FTCDNL1: variants seen among roughly 807,000 people sequenced by gnomAD.
FTCDNL1 encodes the protein formiminotransferase N-terminal subdomain-containing protein.
FTCDNL1 carries 11 observed loss-of-function variants against 5.9 expected under a neutral mutation model. The observed-to-expected ratio is 1.87, with a 90% CI of 1.18 to 3.10. The LOEUF is 3.10. Ranked by LOEUF, FTCDNL1 falls within the 30% of genes most tolerant of loss-of-function variation. FTCDNL1 has a pLI of 0.00. For missense variants in FTCDNL1, 115 were observed against 65.5 expected, an observed-to-expected ratio of 1.76 and a Z score of -2.61; for synonymous variants, 58 against 24.8, an observed-to-expected ratio of 2.34 and a Z score of -3.99.
At chr2:199,725,266 C>G in the FTCDNL1 span, among the ~76,000 whole-genome samples, 1 of 152,234 alleles carries the variant, frequency 6.6e-6, no homozygotes, top group South Asian at 2.1e-4. Context: ...TCTTTTGAGC[C>G]TATGTGTGTC....
At chr2:199,751,478 A>G in the FTCDNL1 span, among the ~76,000 whole-genome samples, 2 of 152,176 alleles carry the variant, frequency 1.3e-5, no homozygotes, top group Non-Finnish European at 2.9e-5. Flanking sequence ...GGAGGTGATT[A>G]CAGAGCCTCA....
chr2:199,778,648 G>T (rs145027027), intron 3 of FTCDNL1, among the ~76,000 whole-genome samples: 4 of 152,302 alleles, frequency 2.6e-5, no homozygotes, highest in Admixed American at 6.5e-5. Context: ...TAATTCTGCA[G>T]ACTTGACATA....
At chr2:199,684,193 G>T in the FTCDNL1 span, among the ~76,000 whole-genome samples, 2 of 152,286 alleles carry the variant, frequency 1.3e-5, no homozygotes, top group East Asian at 3.9e-4. Flanking sequence ...TCACACTATA[G>T]CAGCAATTAC....
the FTCDNL1 span, among the ~76,000 whole-genome samples, chr2:199,701,922 C>T: frequency 6.6e-6 from 1 of 152,146 alleles, no homozygotes; most frequent in East Asian, 1.9e-4. Flanking sequence ...GTAATCCCAG[C>T]TACTCAGGAG....
the FTCDNL1 span, among the ~76,000 whole-genome samples, chr2:199,729,742 T>C: frequency 6.6e-6 from 1 of 152,110 alleles, no homozygotes; most frequent in East Asian, 1.9e-4. Flanking sequence ...TGCTCATGGA[T>C]AGGAAGAATC....
At chr2:199,733,654 T>C in the FTCDNL1 span, among the ~76,000 whole-genome samples, 3 of 152,168 alleles carry the variant, frequency 2.0e-5, no homozygotes, top group Non-Finnish European at 4.4e-5. Context: ...AGAATGCCCT[T>C]AGGACAGTAA....
chr2:199,786,836 A>G (rs1699675238), intron 3 of FTCDNL1, among the ~76,000 whole-genome samples: 1 of 152,192 alleles, frequency 6.6e-6, no homozygotes, highest in Admixed American at 6.5e-5. Context: ...CAAATTTGTT[A>G]TCTTACAGTT....
the FTCDNL1 span, among the ~76,000 whole-genome samples, chr2:199,714,550 A>G: frequency 6.6e-6 from 1 of 152,132 alleles, no homozygotes; most frequent in Non-Finnish European, 1.5e-5. Flanking sequence ...TAATTTCTTA[A>G]AGATGGTCTA....
intron 3 of FTCDNL1, among the ~76,000 whole-genome samples, chr2:199,769,929 C>CT (rs924542668): frequency 6.9e-4 from 102 of 147,638 alleles, no homozygotes; most frequent in African/African-American, 1.8e-3. Context: ...ATGATCTATT[C>CT]TTTTTTTTTT....
At chr2:199,676,017 G>T in the FTCDNL1 span, among the ~76,000 whole-genome samples, 1 of 152,186 alleles carries the variant, frequency 6.6e-6, no homozygotes, top group South Asian at 2.1e-4. Flanking sequence ...ATCCCAACGT[G>T]CTGGGACTAC....
chr2:199,765,556 A>ATATATTTTTTTTT, intron 3 of FTCDNL1, among the ~76,000 whole-genome samples: 1 of 42,656 alleles, frequency 2.3e-5, no homozygotes, highest in East Asian at 1.7e-3. Context: ...ATATATATAT[A>ATATATTTTTTTTT]TTTTTTTTTT....
At chr2:199,850,578 C>T (rs1215724431) in intron 1 of FTCDNL1, among the ~76,000 whole-genome samples, 162 bp downstream of exon 1, 2 of 152,244 alleles carry the variant, frequency 1.3e-5, no homozygotes, top group Non-Finnish European at 2.9e-5. Context: ...CCCCCCAAAA[C>T]ACTCTGTGTT....
At chr2:199,750,445 C>A in the FTCDNL1 span, among the ~76,000 whole-genome samples, 2 of 152,158 alleles carry the variant, frequency 1.3e-5, no homozygotes, top group African/African-American at 2.4e-5. Flanking sequence ...TCAATTTATT[C>A]CTAATATCCA....
At chr2:199,758,708 A>G (rs941881359), downstream of FTCDNL1, among the ~76,000 whole-genome samples, 10 of 152,342 alleles carry the variant, frequency 6.6e-5, no homozygotes, top group East Asian at 1.2e-3. Flanking sequence ...GACCACTAGC[A>G]TACGCATCCC....
In FTCDNL1 at chr2:199,782,018, C is replaced by T. The variant is rs998663151; in HGVS notation, c.212-21183G>A. ...CAGGATGGTCTCGATCTCCTGACCTCGTGATCTTGCCGCCTCAGCCTCCCA... is the reference window on the plus strand; with the variant it reads ...CAGGATGGTCTCGATCTCCTGACCTTGTGATCTTGCCGCCTCAGCCTCCCA... On this transcript the variant is annotated intron_variant, in intron 3 of 3. Coordinates refer to the FTCDNL1 transcript ENST00000416668. Among the ~76,000 whole-genome samples, 9 of 152,108 alleles carry T rather than the reference C, an allele frequency of 5.9e-5. No individual in the cohort carries two copies. The South Asian group carries it at 8.3e-4, about 14-fold the overall frequency.
At chr2:199,781,480 G>A (rs1046424760) in intron 3 of FTCDNL1, among the ~76,000 whole-genome samples, 2 of 152,114 alleles carry the variant, frequency 1.3e-5, no homozygotes, top group African/African-American at 4.8e-5. Flanking sequence ...CCTACTTGGT[G>A]CTTCTCTTTC....
the FTCDNL1 span, among the ~76,000 whole-genome samples, chr2:199,714,055 T>C: frequency 6.6e-6 from 1 of 152,180 alleles, no homozygotes; most frequent in Non-Finnish European, 1.5e-5. Context: ...TAGAAGTCAA[T>C]AGAGCCACGC....
the FTCDNL1 span, among the ~76,000 whole-genome samples, chr2:199,708,491 T>C: frequency 6.6e-6 from 1 of 152,146 alleles, no homozygotes; most frequent in African/African-American, 2.4e-5. Flanking sequence ...GTTTAGTACC[T>C]GAATTTCATT....
chr2:199,723,718 A>G, the FTCDNL1 span, among the ~76,000 whole-genome samples: 1 of 152,244 alleles, frequency 6.6e-6, no homozygotes, highest in Non-Finnish European at 1.5e-5. Context: ...TCAGCCTTGC[A>G]TCCCAGGGAT....
Sources: allele counts gnomAD v4.1 joint callset (sites outside exome capture counted in the v4.1 genomes callset), GRCh38; gene constraint gnomAD v4.1.1; transcripts MANE v1.5; gene names NCBI Gene and HGNC (gene_info 2026-07-23, HGNC 2026-07-21).